CPQ: variants seen among roughly 807,000 people sequenced by gnomAD.
CPQ encodes the protein carboxypeptidase Q, also known as Ser-Met dipeptidase.
A neutral mutation model predicts 45.7 loss-of-function variants in CPQ; 37 were observed. The ratio of observed to expected loss-of-function variants is 0.81; its 90% confidence interval spans 0.62 to 1.07. The LOEUF (loss-of-function observed/expected upper bound fraction) is 1.07, where lower values mean the gene tolerates loss of function less well. Ranked by LOEUF, CPQ falls within the 50% of genes least tolerant of loss-of-function variation. The probability of loss-of-function intolerance (pLI) is 0.00; values close to 1 mark genes in which losing one functional copy is unlikely to be tolerated. For synonymous variants in CPQ, 186 were observed against 205.8 expected, an observed-to-expected ratio of 0.90 and a Z score of 0.82; for missense variants, 537 against 572.9, an observed-to-expected ratio of 0.94 and a Z score of 0.64.
intron 7 of CPQ, among the ~76,000 whole-genome samples, chr8:97,118,385 C>T (rs1811632565): frequency 6.6e-6 from 1 of 152,024 alleles, no homozygotes. Flanking sequence ...CCTTGGATTT[C>T]TTTCTGTGAA....
chr8:96,777,853 C>T (rs950178512), intron 1 of CPQ, among the ~76,000 whole-genome samples: 5 of 131,868 alleles, frequency 3.8e-5, no homozygotes, highest in African/African-American at 8.6e-5. Context: ...CTCAGCCTTC[C>T]GAGTAGCTGG....
At chr8:96,810,651 C>A (rs1435191269) in intron 2 of CPQ, among the ~76,000 whole-genome samples, 1 of 152,146 alleles carries the variant, frequency 6.6e-6, no homozygotes, top group Non-Finnish European at 1.5e-5. Context: ...GCAATGTAAA[C>A]CAAACCAAAC....
intron 3 of CPQ, among the ~76,000 whole-genome samples, chr8:96,858,569 T>TC (rs1811884816): frequency 6.6e-6 from 1 of 152,144 alleles, no homozygotes; most frequent in Non-Finnish European, 1.5e-5. Context: ...AGCAGAGGTC[T>TC]CCCATTTGCT....
chr8:96,821,900 A>C (rs1811312527), intron 2 of CPQ, among the ~76,000 whole-genome samples: 1 of 152,138 alleles, frequency 6.6e-6, no homozygotes, highest in Admixed American at 6.6e-5. Context: ...TCACATACTT[A>C]ACATTTTTTT....
chr8:96,707,796 G>C (rs888800162), intron 1 of CPQ, among the ~76,000 whole-genome samples: 2 of 152,048 alleles, frequency 1.3e-5, no homozygotes, highest in African/African-American at 4.8e-5. Context: ...TGCCAGTAGA[G>C]CTGCATTCCT....
intron 7 of CPQ, among the ~76,000 whole-genome samples, chr8:97,100,101 G>A (rs1586541084): frequency 6.6e-6 from 1 of 152,310 alleles, no homozygotes; most frequent in South Asian, 2.1e-4. Flanking sequence ...AAATTTAGAT[G>A]TGAACACTAA....
At chr8:96,971,662 G>A (rs1813681972) in intron 5 of CPQ, among the ~76,000 whole-genome samples, 6 of 152,160 alleles carry the variant, frequency 3.9e-5, no homozygotes, top group Admixed American at 3.3e-4. Context: ...TGCTTGTGAA[G>A]CTGTCCAGTC....
At chr8:97,064,230 TATTGTGA>T (rs903069276) in intron 6 of CPQ, among the ~76,000 whole-genome samples, 1 of 152,168 alleles carries the variant, frequency 6.6e-6, no homozygotes. Flanking sequence ...TTGCAAGATA[TATTGTGA>T]ATGTTCTTTT....
chr8:96,911,411 A>G (rs1483289379), intron 4 of CPQ, among the ~76,000 whole-genome samples: 1 of 152,184 alleles, frequency 6.6e-6, no homozygotes, highest in East Asian at 1.9e-4. Flanking sequence ...GCAGGTGTGA[A>G]AAGAGTCTTT....
At chr8:97,073,897 T>A (rs1810798630) in intron 7 of CPQ, among the ~76,000 whole-genome samples, 1 of 152,204 alleles carries the variant, frequency 6.6e-6, no homozygotes, top group Non-Finnish European at 1.5e-5. Flanking sequence ...TTGACAGCAG[T>A]GTATGACATC....
chr8:97,126,190 C>T (rs1313050442), intron 7 of CPQ, among the ~76,000 whole-genome samples: 5 of 152,066 alleles, frequency 3.3e-5, no homozygotes, highest in Admixed American at 1.3e-4. Flanking sequence ...CGCTAAAAGC[C>T]CAGACCTCAC....
In CPQ at chr8:96,835,085, G is replaced by A. The variant is rs113451692; in HGVS notation, c.546G>A (p.Arg182=). Residue 182 remains arginine (R), a synonymous_variant, in exon 3 of 8, where the codon AGG becomes AGA. Coordinates refer to ENST00000220763, the MANE Select transcript of CPQ (RefSeq NM_016134.4). ...VYNQPYINYS[R]TVQYRTQGAV... is the part of the protein sequence containing the mutation. ...ACCAACCTTACATCAACTACTCAAG[G>A]ACGGTGCAATACCGAACGCAGGGGG... 1.5e-4 allele frequency: 237 copies of A among 1,612,928 alleles called. No homozygotes were observed. In the African/African-American group the frequency reaches 2.6e-3, roughly 18 times the overall value.
chr8:97,054,923 A>T (rs895999034), intron 6 of CPQ, among the ~76,000 whole-genome samples: 2 of 152,228 alleles, frequency 1.3e-5, no homozygotes, highest in African/African-American at 4.8e-5. Flanking sequence ...AGTTATTGAA[A>T]TAACAAAATG....
intron 1 of CPQ, among the ~76,000 whole-genome samples, chr8:96,682,793 A>G (rs1809168781): frequency 6.6e-6 from 1 of 152,290 alleles, no homozygotes; most frequent in Non-Finnish European, 1.5e-5. Flanking sequence ...TTTGCATGGA[A>G]TATATTTTTC....
chr8:96,716,141 A>C (rs1028963867), intron 1 of CPQ, among the ~76,000 whole-genome samples: 1 of 152,178 alleles, frequency 6.6e-6, no homozygotes, highest in African/African-American at 2.4e-5. Flanking sequence ...GAGGTCATGC[A>C]CAAGTTTTCT....
chr8:96,976,121 A>G (rs1813776050), intron 5 of CPQ, among the ~76,000 whole-genome samples: 1 of 151,906 alleles, frequency 6.6e-6, no homozygotes, highest in African/African-American at 2.4e-5. Flanking sequence ...TCCTAAAACT[A>G]GCAAATGAAT....
At chr8:96,778,660 T>G (rs756643277) in intron 1 of CPQ, among the ~76,000 whole-genome samples, 4 of 152,170 alleles carry the variant, frequency 2.6e-5, no homozygotes, top group Non-Finnish European at 5.9e-5. Flanking sequence ...AAATACAGTC[T>G]AGTTAAGGTA....
At chr8:96,888,255 G>C (rs1433069212) in intron 4 of CPQ, among the ~76,000 whole-genome samples, 1 of 152,192 alleles carries the variant, frequency 6.6e-6, no homozygotes, top group Non-Finnish European at 1.5e-5. Context: ...CTGATGTGGA[G>C]TAATGGAAGG....
At chr8:96,977,230 G>A (rs555388035) in intron 5 of CPQ, among the ~76,000 whole-genome samples, 19 of 151,680 alleles carry the variant, frequency 1.3e-4, no homozygotes, top group East Asian at 7.8e-4. Flanking sequence ...GCCAACAAGC[G>A]TATGGAAGAA....
Sources: allele counts gnomAD v4.1 joint callset (sites outside exome capture counted in the v4.1 genomes callset), GRCh38; gene constraint gnomAD v4.1.1; transcripts MANE v1.5; gene names NCBI Gene and HGNC (gene_info 2026-07-23, HGNC 2026-07-21).